HTR2C: variants seen among roughly 807,000 people sequenced by gnomAD.
HTR2C encodes the protein 5-hydroxytryptamine receptor 2C.
HTR2C carries 5 observed loss-of-function variants against 21.0 expected under a neutral mutation model. The observed-to-expected ratio is 0.24, with a 90% CI of 0.12 to 0.50. The LOEUF (loss-of-function observed/expected upper bound fraction) is 0.50, where lower values mean the gene tolerates loss of function less well. HTR2C is among the 20% of genes least tolerant of loss of function. The pLI is 0.98. For missense variants in HTR2C, 271 were observed against 371.2 expected, an observed-to-expected ratio of 0.73 and a Z score of 2.22; for synonymous variants, 150 against 145.3, an observed-to-expected ratio of 1.03 and a Z score of -0.23.
chrX:114,686,703 A>T (rs868924537), intron 2 of HTR2C, among the ~76,000 whole-genome samples: 73 of 110,875 alleles, frequency 6.6e-4, no homozygotes, highest in African/African-American at 2.2e-3. Flanking sequence ...AAATTTTTTT[A>T]AATAACATTT....
chrX:114,592,311 A>G (rs1210866920), intron 1 of HTR2C, among the ~76,000 whole-genome samples: 1 of 112,497 alleles, frequency 8.9e-6, no homozygotes, highest in East Asian at 2.8e-4. Flanking sequence ...GAATGCTGAG[A>G]AGATAATACA....
chrX:114,637,695 C>T (rs1298936657), intron 2 of HTR2C, among the ~76,000 whole-genome samples: 7 of 111,075 alleles, frequency 6.3e-5, no homozygotes, highest in African/African-American at 2.3e-4. Flanking sequence ...AGATTATTGA[C>T]ACCTTACAGA....
chrX:114,586,960 T>C (rs1455563421), intron 1 of HTR2C, among the ~76,000 whole-genome samples: 1 of 111,472 alleles, frequency 9.0e-6, no homozygotes, highest in Non-Finnish European at 1.9e-5. Flanking sequence ...TATTTATTTG[T>C]GCTTCCAAGT....
At chrX:114,805,685 CAT>C (rs782021617) in intron 4 of HTR2C, among the ~76,000 whole-genome samples, 5,369 of 15,786 alleles carry the variant, frequency 0.34, 2,100 homozygotes, top group East Asian at 0.91. Context: ...ATATATATAC[CAT>C]ATATATACAC....
At chrX:114,730,632 C>T (rs908941148) in intron 3 of HTR2C, among the ~76,000 whole-genome samples, 1 of 111,382 alleles carries the variant, frequency 9.0e-6, no homozygotes, top group Non-Finnish European at 1.9e-5. Context: ...CTCTTCCAGA[C>T]GCTTTGCCGG....
intron 2 of HTR2C, among the ~76,000 whole-genome samples, chrX:114,665,351 A>G (rs1193057849): frequency 8.9e-6 from 1 of 111,854 alleles, no homozygotes; most frequent in Admixed American, 9.5e-5. Flanking sequence ...TTTAGGGCCA[A>G]CTGTAGTAGC....
rs186391699 is a variant in HTR2C at position 114,874,736 on chromosome X, T to C, written c.550+26533T>C. On this transcript the variant is annotated intron_variant, in intron 5 of 5. Coordinates refer to ENST00000276198, the MANE Select transcript of HTR2C (RefSeq NM_000868.4). ...GTTGGCCAGGCTGGTCTCAAACTCCTGACCTCAGGTGATTCGCCCACCTCG... is the reference window on the plus strand; with the variant it reads ...GTTGGCCAGGCTGGTCTCAAACTCCCGACCTCAGGTGATTCGCCCACCTCG... 3.7e-3 allele frequency among the ~76,000 whole-genome samples: 411 copies of C among 111,437 alleles called. 4 individuals are homozygous for C. Among genetic ancestry groups the C allele is most frequent in the African/African-American group, 0.013 (395 of 30,692 alleles).
chrX:114,779,935 G>T (rs868920190), intron 4 of HTR2C, among the ~76,000 whole-genome samples: 1 of 111,131 alleles, frequency 9.0e-6, no homozygotes, highest in African/African-American at 3.3e-5. Flanking sequence ...ATGTGTATAT[G>T]TGTGTATATA....
At chrX:114,705,136 G>A (rs1246504394) in intron 2 of HTR2C, among the ~76,000 whole-genome samples, 2 of 105,034 alleles carry the variant, frequency 1.9e-5, no homozygotes, top group Non-Finnish European at 2.0e-5. Flanking sequence ...TACTGCCCAA[G>A]GTAATTTACA....
At chrX:114,721,400 G>A (rs1933206398) in intron 2 of HTR2C, among the ~76,000 whole-genome samples, 1 of 95,374 alleles carries the variant, frequency 1.0e-5, no homozygotes, top group African/African-American at 3.9e-5. Context: ...TAAGTTCATT[G>A]TAGATTCTGG....
intron 4 of HTR2C, among the ~76,000 whole-genome samples, chrX:114,802,689 T>TCTTTCTTTCTTC (rs2070358630): frequency 1.2e-5 from 1 of 84,762 alleles, no homozygotes; most frequent in African/African-American, 4.7e-5. Flanking sequence ...TTAGATTCTT[T>TCTTTCTTTCTTC]CTTTCTTTCT....
chrX:114,793,165 CT>C (rs782555540), intron 4 of HTR2C, among the ~76,000 whole-genome samples: 71 of 111,130 alleles, frequency 6.4e-4, no homozygotes, highest in African/African-American at 2.2e-3. Flanking sequence ...GTTGCAGTTG[CT>C]TTTGGTGAAT....
At chrX:114,833,111 A>C (rs1187956850) in intron 4 of HTR2C, among the ~76,000 whole-genome samples, 4 of 92,814 alleles carry the variant, frequency 4.3e-5, no homozygotes, top group Admixed American at 1.3e-4. Flanking sequence ...CCAGTATTTT[A>C]TTGAGGATTT....
chrX:114,806,847 CATATATATACCGT>C (rs2070456635), intron 4 of HTR2C, among the ~76,000 whole-genome samples: 1 of 97,566 alleles, frequency 1.0e-5, no homozygotes, highest in African/African-American at 3.7e-5. Context: ...ATATATACAC[CATATATATACCGT>C]ATATATACCA....
At chrX:114,755,087 A>G (rs2069798628) in intron 4 of HTR2C, among the ~76,000 whole-genome samples, 2 of 110,364 alleles carry the variant, frequency 1.8e-5, no homozygotes, top group Admixed American at 1.9e-4. Flanking sequence ...TAAAAATACA[A>G]AAATCAGCCA....
At chrX:114,875,302 G>T (rs1556477801) in intron 5 of HTR2C, among the ~76,000 whole-genome samples, 1 of 111,792 alleles carries the variant, frequency 8.9e-6, no homozygotes, top group African/African-American at 3.3e-5. Flanking sequence ...CATTCAGAAT[G>T]TAACACCTCC....
At chrX:114,621,230 G>A (rs782508569) in intron 2 of HTR2C, among the ~76,000 whole-genome samples, 5 of 111,422 alleles carry the variant, frequency 4.5e-5, no homozygotes, top group Non-Finnish European at 5.6e-5. Flanking sequence ...GACTACACTT[G>A]GAGTCACAAG....
intron 4 of HTR2C, among the ~76,000 whole-genome samples, chrX:114,765,360 T>G (rs180857326): frequency 8.8e-4 from 98 of 111,462 alleles, no homozygotes; most frequent in African/African-American, 2.8e-3. Context: ...ATAGCTAACT[T>G]TAATTGAACA....
intron 1 of HTR2C, among the ~76,000 whole-genome samples, chrX:114,593,359 T>C (rs1644893722): frequency 9.0e-6 from 1 of 111,607 alleles, no homozygotes; most frequent in African/African-American, 3.3e-5. Context: ...GCCTCCTGAT[T>C]AGCTGGGACC....
Sources: allele counts gnomAD v4.1 joint callset (sites outside exome capture counted in the v4.1 genomes callset), GRCh38; gene constraint gnomAD v4.1.1; transcripts MANE v1.5; gene names NCBI Gene and HGNC (gene_info 2026-07-23, HGNC 2026-07-21).